The following PDE1A variants were observed in gnomAD, a reference collection of about 807,000 sequenced individuals.
The protein encoded by PDE1A is phosphodiesterase 1A.
PDE1A carries 35 observed loss-of-function variants against 61.7 expected under a neutral mutation model. The ratio of observed to expected loss-of-function variants is 0.57; its 90% CI spans 0.43 to 0.75. PDE1A has a LOEUF of 0.75. Among genes scored for constraint, PDE1A ranks in the 30% least tolerant of loss-of-function variants. The probability of loss-of-function intolerance (pLI) is 0.00; values close to 1 mark genes in which losing one functional copy is unlikely to be tolerated. For synonymous variants in PDE1A, 232 were observed against 213.2 expected (o/e 1.09, Z -0.77); for missense variants, 597 against 630.6 (o/e 0.95, Z 0.57).
chr2:182,177,337 G>A (rs1251890842), intron 13 of PDE1A, among the ~76,000 whole-genome samples: 5 of 151,966 alleles, frequency 3.3e-5, no homozygotes, highest in Admixed American at 3.3e-4. Context: ...TGGTTGGTAA[G>A]CTATTGATTA....
At chr2:182,277,608 TTAAACA>T in intron 1 of PDE1A, among the ~76,000 whole-genome samples, 1 of 152,178 alleles carries the variant, frequency 6.6e-6, no homozygotes, top group African/African-American at 2.4e-5. Context: ...ATTTCTGATC[TTAAACA>T]TAAAATAATG....
intron 2 of PDE1A, among the ~76,000 whole-genome samples, chr2:182,512,607 T>C (rs573877769): frequency 6.6e-6 from 1 of 152,262 alleles, no homozygotes; most frequent in East Asian, 1.9e-4. Flanking sequence ...GACGAAATAG[T>C]TGAAATGACA....
chr2:182,554,013 C>G, the PDE1A span, among the ~76,000 whole-genome samples: 1 of 152,046 alleles, frequency 6.6e-6, no homozygotes, highest in African/African-American at 2.4e-5. Flanking sequence ...AGGGGGGTTA[C>G]GGGATCAGGT....
chr2:182,455,769 T>A (rs1257343370), intron 2 of PDE1A, among the ~76,000 whole-genome samples: 3 of 150,752 alleles, frequency 2.0e-5, no homozygotes, highest in Non-Finnish European at 4.4e-5. Context: ...GGTGGGGGAA[T>A]GGGGGAGGGA....
chr2:182,151,970 G>A (rs1047011091), intron 13 of PDE1A, among the ~76,000 whole-genome samples: 3 of 152,142 alleles, frequency 2.0e-5, no homozygotes, highest in African/African-American at 7.2e-5. Flanking sequence ...TTGGGAGACA[G>A]AATCACAAGC....
chr2:182,385,465 C>A (rs1700975615), intron 1 of PDE1A, among the ~76,000 whole-genome samples: 1 of 151,122 alleles, frequency 6.6e-6, no homozygotes, highest in African/African-American at 2.4e-5. Flanking sequence ...TTTTTAAAAT[C>A]AAAATCAAGT....
the PDE1A span, among the ~76,000 whole-genome samples, chr2:182,647,543 A>G: frequency 6.6e-6 from 1 of 152,220 alleles, no homozygotes; most frequent in Non-Finnish European, 1.5e-5. Flanking sequence ...TTATTGAGAT[A>G]GTTATTGAGA....
intron 2 of PDE1A, among the ~76,000 whole-genome samples, chr2:182,501,182 A>G (rs1440827693): frequency 2.0e-5 from 3 of 152,248 alleles, no homozygotes; most frequent in Non-Finnish European, 4.4e-5. Flanking sequence ...TTATATAGTG[A>G]CATAATCATC....
At chr2:182,273,446 T>C (rs1559281731) in intron 1 of PDE1A, among the ~76,000 whole-genome samples, 1 of 149,760 alleles carries the variant, frequency 6.7e-6, no homozygotes, top group East Asian at 2.0e-4. Context: ...AAGCCAAGGA[T>C]AAAAAAAAAT....
At chr2:182,565,710 T>C in the PDE1A span, among the ~76,000 whole-genome samples, 1 of 152,176 alleles carries the variant, frequency 6.6e-6, no homozygotes. Context: ...ATGACTCACA[T>C]GCTATTTATT....
intron 1 of PDE1A, among the ~76,000 whole-genome samples, chr2:182,278,474 C>G (rs1375417182): frequency 6.6e-6 from 1 of 151,956 alleles, no homozygotes; most frequent in Non-Finnish European, 1.5e-5. Context: ...AAAATAGAGT[C>G]TTTAAAGAAG....
At chr2:182,201,622 A>C in intron 9 of PDE1A, 63 bp from the exon 10 acceptor site, 1 of 1,447,750 alleles carries the variant, frequency 6.9e-7, no homozygotes. Flanking sequence ...GTCTTTTCTG[A>C]GGCCAAGCCC....
At chr2:182,253,683 G>T (rs1170534623) in intron 2 of PDE1A, among the ~76,000 whole-genome samples, 1 of 152,058 alleles carries the variant, frequency 6.6e-6, no homozygotes, top group African/African-American at 2.4e-5. Context: ...GGCTGATGTT[G>T]GTGTCCCCTG....
intron 2 of PDE1A, among the ~76,000 whole-genome samples, chr2:182,520,767 G>A (rs1450017798): frequency 1.3e-5 from 2 of 151,818 alleles, no homozygotes; most frequent in African/African-American, 2.4e-5. Flanking sequence ...TCTAAAATAG[G>A]TTGTAATGAG....
chr2:182,303,180 C>T (rs1206612094), intron 1 of PDE1A, among the ~76,000 whole-genome samples: 5 of 152,058 alleles, frequency 3.3e-5, no homozygotes, highest in African/African-American at 1.2e-4. Flanking sequence ...TTTCCAGATG[C>T]TTTCAATTTA....
At chr2:182,452,256 G>C (rs953337138) in intron 2 of PDE1A, among the ~76,000 whole-genome samples, 3 of 152,098 alleles carry the variant, frequency 2.0e-5, no homozygotes, top group African/African-American at 7.2e-5. Context: ...CTAAGGTTAA[G>C]AGTGAACATT....
In PDE1A at chr2:182,317,726, A is replaced by G. The variant is rs1574335578; in HGVS notation, c.54-53312T>C. ...TGTGGTAACGGGGCAGGGACCTAGG[A>G]ACAATGGAGGTGGCTCTCTTTCAGT... On this transcript the variant is annotated intron_variant, in intron 1 of 13. Coordinates refer to ENST00000351439, the Ensembl canonical transcript of PDE1A. Among the ~76,000 whole-genome samples the G allele has an allele frequency of 3.3e-5, 5 of 152,260 alleles. No homozygotes were observed. In the East Asian group the frequency reaches 7.7e-4, roughly 24 times the overall value.
At chr2:182,411,536 C>T (rs1702615662) in intron 1 of PDE1A, among the ~76,000 whole-genome samples, 1 of 152,108 alleles carries the variant, frequency 6.6e-6, no homozygotes, top group Non-Finnish European at 1.5e-5. Context: ...TCTGGATATA[C>T]CTATGTTCAC....
chr2:182,228,409 G>T, intron 6 of PDE1A, among the ~76,000 whole-genome samples: 1 of 152,064 alleles, frequency 6.6e-6, no homozygotes, highest in East Asian at 1.9e-4. Context: ...CACACTGATA[G>T]GGCCACCCTG....
Sources: allele counts gnomAD v4.1 joint callset (sites outside exome capture counted in the v4.1 genomes callset), GRCh38; gene constraint gnomAD v4.1.1; transcripts MANE v1.5; gene names NCBI Gene and HGNC (gene_info 2026-07-23, HGNC 2026-07-21).